HTR2C: variants seen among roughly 807,000 people sequenced by gnomAD.
HTR2C encodes 5-hydroxytryptamine (serotonin) receptor 2C, G protein-coupled.
HTR2C carries 5 observed loss-of-function variants against 21.0 expected under a neutral mutation model. That is an observed-to-expected ratio of 0.24 (90% CI 0.12 to 0.50). The LOEUF (loss-of-function observed/expected upper bound fraction) is 0.50. Among genes scored for constraint, HTR2C ranks in the 20% least tolerant of loss-of-function variants. HTR2C has a pLI of 0.98. For synonymous variants in HTR2C, 150 were observed against 145.3 expected (o/e 1.03, Z -0.23); for missense variants, 271 against 371.2 (o/e 0.73, Z 2.22).
At chrX:114,766,957 A>T (rs2069952951) in intron 4 of HTR2C, among the ~76,000 whole-genome samples, 1 of 111,573 alleles carries the variant, frequency 9.0e-6, no homozygotes, top group African/African-American at 3.2e-5. Flanking sequence ...TTAAAGGAAG[A>T]GCATCAACAA....
chrX:114,858,519 T>C (rs1332297962), intron 5 of HTR2C, among the ~76,000 whole-genome samples: 2 of 111,663 alleles, frequency 1.8e-5, no homozygotes, highest in Non-Finnish European at 3.8e-5. Flanking sequence ...TAAAATACAT[T>C]TGATATTTTT....
chrX:114,716,016 C>G (rs1055051174), intron 2 of HTR2C, among the ~76,000 whole-genome samples: 2 of 112,282 alleles, frequency 1.8e-5, no homozygotes, highest in Admixed American at 1.9e-4. Flanking sequence ...TCCTGCAGAT[C>G]GGTTGGAGTT....
chrX:114,830,634 A>AT (rs781847107), intron 4 of HTR2C, among the ~76,000 whole-genome samples: 34 of 95,868 alleles, frequency 3.5e-4, no homozygotes, highest in East Asian at 1.0e-3. Flanking sequence ...ATTTTATTTT[A>AT]TTTTTTTTAA....
intron 4 of HTR2C, among the ~76,000 whole-genome samples, chrX:114,783,769 C>A (rs62594890): frequency 0.1 from 11,046 of 110,407 alleles, 552 homozygotes; most frequent in Middle Eastern, 0.16. Flanking sequence ...AAGTTAAAAT[C>A]ATATATAAAA....
chrX:114,870,542 C>T (rs187067812), intron 5 of HTR2C, among the ~76,000 whole-genome samples: 25 of 111,355 alleles, frequency 2.2e-4, no homozygotes, highest in Middle Eastern at 4.6e-3. Flanking sequence ...GTGAAGCCAT[C>T]AAGTCCTGGG....
intron 2 of HTR2C, among the ~76,000 whole-genome samples, chrX:114,641,498 TG>T (rs371573089): frequency 1.6e-3 from 173 of 111,589 alleles, no homozygotes; most frequent in African/African-American, 5.4e-3. Flanking sequence ...TTTTCTTTTA[TG>T]ATTTGATTAG....
chrX:114,652,101 A>G (rs1556408572), intron 2 of HTR2C, among the ~76,000 whole-genome samples: 1 of 111,090 alleles, frequency 9.0e-6, no homozygotes, highest in African/African-American at 3.3e-5. Flanking sequence ...ATTTCACATA[A>G]TTTCCAGGTG....
chrX:114,850,492 A>G (rs782207121), intron 5 of HTR2C, among the ~76,000 whole-genome samples: 2 of 111,333 alleles, frequency 1.8e-5, no homozygotes, highest in African/African-American at 3.3e-5. Context: ...CCAAATTTAC[A>G]GAAGATTATT....
chrX:114,637,666 C>T (rs1929892909), intron 2 of HTR2C, among the ~76,000 whole-genome samples: 1 of 111,264 alleles, frequency 9.0e-6, no homozygotes, highest in Non-Finnish European at 1.9e-5. Context: ...AATTCTGTGC[C>T]TCATCCCAGA....
At chrX:114,697,284 T>C (rs978124044) in intron 2 of HTR2C, among the ~76,000 whole-genome samples, 1 of 112,634 alleles carries the variant, frequency 8.9e-6, no homozygotes, top group Non-Finnish European at 1.9e-5. Context: ...GTTTCCTTTT[T>C]CTCTTGTGCC....
intron 2 of HTR2C, among the ~76,000 whole-genome samples, chrX:114,644,596 G>T: frequency 9.6e-6 from 1 of 104,409 alleles, no homozygotes; most frequent in African/African-American, 3.6e-5. Flanking sequence ...AAATTAGATT[G>T]GTCTTACCTC....
At chrX:114,683,555 C>T (rs781892004) in intron 2 of HTR2C, among the ~76,000 whole-genome samples, 11 of 110,713 alleles carry the variant, frequency 9.9e-5, no homozygotes, top group African/African-American at 1.6e-4. Flanking sequence ...GAGGCCAAGG[C>T]GGGCGGATCA....
rs181942247 is a variant in HTR2C at position 114,781,299 on chromosome X, T to C, written c.349+49692T>C. Among the ~76,000 whole-genome samples, 77 of 110,531 alleles carry C rather than the reference T, an allele frequency of 7.0e-4. 1 individual carries two copies. The highest frequency in any genetic ancestry group is 2.1e-4 in the Non-Finnish European group (11 of 52,845). On this transcript the variant is annotated intron_variant, in intron 4 of 5. Transcript: ENST00000276198. ...GCTACGATTTTGTGACCAGCCCGGATAACATAACAAGACGCTGACTCTACA... is the reference window on the plus strand; with the variant it reads ...GCTACGATTTTGTGACCAGCCCGGACAACATAACAAGACGCTGACTCTACA...
At chrX:114,820,950 C>T (rs1310427077) in intron 4 of HTR2C, among the ~76,000 whole-genome samples, 1 of 111,710 alleles carries the variant, frequency 9.0e-6, no homozygotes, top group Non-Finnish European at 1.9e-5. Context: ...ATTTCACAGT[C>T]ACTTTTAATC....
At chrX:114,675,505 G>C (rs954827378) in intron 2 of HTR2C, among the ~76,000 whole-genome samples, 2 of 112,265 alleles carry the variant, frequency 1.8e-5, no homozygotes, top group Admixed American at 1.9e-4. Context: ...GGTAGAAAGG[G>C]ACTTTGGAAT....
chrX:114,630,313 AT>A (rs1228303831), intron 2 of HTR2C, among the ~76,000 whole-genome samples: 1 of 112,264 alleles, frequency 8.9e-6, no homozygotes, highest in Non-Finnish European at 1.9e-5. Context: ...ACTAAAAAAA[AT>A]TCCAACATTT....
chrX:114,613,468 T>G (rs1928829364), intron 1 of HTR2C, among the ~76,000 whole-genome samples: 1 of 110,730 alleles, frequency 9.0e-6, no homozygotes, highest in African/African-American at 3.3e-5. Context: ...ACCTGTTTTA[T>G]TAACAAGGTC....
chrX:114,670,014 G>A (rs1449555421), intron 2 of HTR2C, among the ~76,000 whole-genome samples: 1 of 111,447 alleles, frequency 9.0e-6, no homozygotes, highest in Non-Finnish European at 1.9e-5. Context: ...CAAGGCGGGA[G>A]GTTCACTTGA....
At chrX:114,874,850 G>T (rs1249391936) in intron 5 of HTR2C, among the ~76,000 whole-genome samples, 1 of 111,072 alleles carries the variant, frequency 9.0e-6, no homozygotes, top group Non-Finnish European at 1.9e-5. Context: ...GATTAGAAAG[G>T]TTTAGCACTT....
Sources: gnomAD v4.1 joint callset for allele counts (sites outside exome capture counted in the v4.1 genomes callset) on GRCh38, gnomAD v4.1.1 for gene constraint, MANE v1.5 for transcripts, NCBI Gene and HGNC (gene_info 2026-07-23, HGNC 2026-07-21) for gene names.